Variants in PPP3CA observed in about 807,000 individuals in gnomAD.
The protein encoded by PPP3CA is protein phosphatase 3 catalytic subunit alpha.
A neutral mutation model predicts 66.5 loss-of-function variants in PPP3CA; 14 were observed. That is an observed-to-expected ratio of 0.21 (90% CI 0.14 to 0.33). The LOEUF is 0.33. PPP3CA is among the 10% of genes least tolerant of loss of function. The pLI is 1.00. For synonymous variants in PPP3CA, 232 were observed against 226.2 expected, an observed-to-expected ratio of 1.03 and a Z score of -0.23; for missense variants, 317 against 639.5, an observed-to-expected ratio of 0.50 and a Z score of 5.44.
chr4:101,341,202 CTTTTTCTTTTTTT>C (rs1729804069), intron 1 of PPP3CA, among the ~76,000 whole-genome samples: 1 of 48,420 alleles, frequency 2.1e-5, no homozygotes, highest in Admixed American at 3.4e-4. Flanking sequence ...TTCTTTTTTT[CTTTTTCTTTTTTT>C]TTTTTTTAAG....
rs1730041033 is a variant in PPP3CA, at chr4:101,347,195, G to GCA, written c.-401_-400dup. ...CACCGCGGAATGGAGCCCCACGCGC[G>GCA]CACACACGGCCAGGATTAAGACCGA... On this transcript the variant is annotated 5_prime_UTR_variant, in exon 1 of 14. Coordinates refer to ENST00000394854, the MANE Select transcript of PPP3CA (RefSeq NM_000944.5). The GCA allele has an allele frequency of 2.9e-6, 1 of 343,550 alleles. No individual in the cohort carries two copies. The highest frequency in any genetic ancestry group is 5.4e-6 in the Non-Finnish European group (1 of 183,632). The allele number at this position is 343,550 out of a possible 1,614,324, so 21.3% of individuals were successfully genotyped here.
At position 101,263,361 on chromosome 4, in the gene PPP3CA, G is replaced by A. The variant is rs542963830; in HGVS notation, c.59-67245C>T. ...AAATTAAATCAGAATTTCTAAGAGTGGGGTCTAGGCATCAGTGCCATTCTT... is the reference window on the plus strand; with the variant it reads ...AAATTAAATCAGAATTTCTAAGAGTAGGGTCTAGGCATCAGTGCCATTCTT... On this transcript the variant is annotated intron_variant, in intron 1 of 13. Coordinates refer to ENST00000394854, the MANE Select transcript of PPP3CA (RefSeq NM_000944.5). Among the ~76,000 whole-genome samples, 25 of 152,252 alleles carry A rather than the reference G, an allele frequency of 1.6e-4. No homozygotes were observed. The South Asian group carries it at 3.5e-3, about 21-fold the overall frequency.
intron 2 of PPP3CA, among the ~76,000 whole-genome samples, chr4:101,151,046 TAAG>T (rs1410830520): frequency 6.6e-6 from 1 of 152,238 alleles, no homozygotes; most frequent in East Asian, 1.9e-4. Flanking sequence ...ATTAAGTTCA[TAAG>T]AAGACTTTAG....
Position 101,230,777 on chromosome 4 carries a change from C to A in PPP3CA, c.59-34661G>T, listed in dbSNP as rs1324744175. Among the ~76,000 whole-genome samples, 8 of 151,656 alleles carry A rather than the reference C, an allele frequency of 5.3e-5. 1 individual carries two copies. The Admixed American group carries it at 5.3e-4, about 10-fold the overall frequency. ...CACGCAAAGATTTTCACAAACAGAA[C>A]CCAATCTGCTTTCTAGTCTCACCTT... On this transcript the variant is annotated intron_variant, in intron 1 of 13. Transcript: ENST00000394854.
intron 1 of PPP3CA, among the ~76,000 whole-genome samples, chr4:101,242,646 T>A (rs1337439020): frequency 2.0e-5 from 3 of 152,134 alleles, no homozygotes; most frequent in African/African-American, 7.2e-5. Flanking sequence ...CATTAAGAAA[T>A]CTGGGCCAGG....
At chr4:101,155,104 C>T (rs1259070521) in intron 2 of PPP3CA, among the ~76,000 whole-genome samples, 2 of 151,990 alleles carry the variant, frequency 1.3e-5, no homozygotes, top group African/African-American at 2.4e-5. Flanking sequence ...CGTGAGCCAA[C>T]GCGCCCAGCC....
intron 1 of PPP3CA, among the ~76,000 whole-genome samples, chr4:101,213,553 A>G (rs1486909804): frequency 6.6e-6 from 1 of 152,158 alleles, no homozygotes; most frequent in Non-Finnish European, 1.5e-5. Flanking sequence ...TCTTTTATGA[A>G]TATGAGGTTT....
At chr4:101,178,741 A>G (rs2135610) in intron 2 of PPP3CA, among the ~76,000 whole-genome samples, 29,730 of 152,018 alleles carry the variant, frequency 0.2, 4,178 homozygotes, top group African/African-American at 0.37. Context: ...ATAAGCATTT[A>G]CATTTGTCAT....
intron 2 of PPP3CA, among the ~76,000 whole-genome samples, chr4:101,136,498 G>A (rs945778822): frequency 2.0e-5 from 3 of 151,776 alleles, no homozygotes; most frequent in Non-Finnish European, 4.4e-5. Flanking sequence ...CCAAGATCGC[G>A]CCAGTGCACT....
intron 2 of PPP3CA, among the ~76,000 whole-genome samples, chr4:101,154,507 A>T (rs1377492547): frequency 2.6e-5 from 4 of 152,240 alleles, no homozygotes; most frequent in Admixed American, 2.6e-4. Context: ...CTATGGGGCA[A>T]TAAAAGTGTT....
At chr4:101,156,086 A>G (rs1723310069) in intron 2 of PPP3CA, among the ~76,000 whole-genome samples, 1 of 152,190 alleles carries the variant, frequency 6.6e-6, no homozygotes, top group Admixed American at 6.5e-5. Flanking sequence ...GATTCCTAGT[A>G]CCTGCTCTAT....
At chr4:101,033,415 T>G (rs1341709006) in intron 11 of PPP3CA, among the ~76,000 whole-genome samples, 1 of 151,952 alleles carries the variant, frequency 6.6e-6, no homozygotes, top group Non-Finnish European at 1.5e-5. Context: ...CCTGAACTTC[T>G]CCCCATAACC....
chr4:101,139,545 AT>A (rs1722731545), intron 2 of PPP3CA, among the ~76,000 whole-genome samples: 1 of 152,036 alleles, frequency 6.6e-6, no homozygotes, highest in Non-Finnish European at 1.5e-5. Flanking sequence ...GAGCTCACAA[AT>A]ACTTTATTCG....
chr4:101,183,973 A>G (rs993983353), intron 2 of PPP3CA, among the ~76,000 whole-genome samples: 7 of 152,188 alleles, frequency 4.6e-5, no homozygotes, highest in African/African-American at 1.7e-4. Context: ...TAAGTAGCAA[A>G]TAGTGCATAC....
At chr4:101,181,843 A>G (rs1257491077) in intron 2 of PPP3CA, among the ~76,000 whole-genome samples, 2 of 152,142 alleles carry the variant, frequency 1.3e-5, no homozygotes, top group Non-Finnish European at 2.9e-5. Context: ...AAACAGCACA[A>G]TTAGGGATGT....
At chr4:101,248,161 GA>G in intron 1 of PPP3CA, among the ~76,000 whole-genome samples, 3 of 152,244 alleles carry the variant, frequency 2.0e-5, no homozygotes, top group African/African-American at 7.2e-5. Flanking sequence ...TTTACTACAT[GA>G]CCAATACTTC....
At chr4:101,087,446 C>T (rs1439844871) in intron 6 of PPP3CA, among the ~76,000 whole-genome samples, 1 of 152,084 alleles carries the variant, frequency 6.6e-6, no homozygotes, top group Non-Finnish European at 1.5e-5. Context: ...ATTATCAAAC[C>T]CCAGAAACTC....
At chr4:101,072,579 C>T (rs1728962424) in intron 8 of PPP3CA, among the ~76,000 whole-genome samples, 1 of 152,114 alleles carries the variant, frequency 6.6e-6, no homozygotes, top group Non-Finnish European at 1.5e-5. Context: ...TACACATAAA[C>T]TCTGAGCAGT....
intron 10 of PPP3CA, among the ~76,000 whole-genome samples, chr4:101,057,317 A>C (rs577225665): frequency 1.8e-4 from 28 of 152,184 alleles, no homozygotes; most frequent in Middle Eastern, 3.2e-3. Flanking sequence ...TTGGCCTCCC[A>C]AAGTGCTGGG....
Sources: gnomAD v4.1 joint callset for allele counts (sites outside exome capture counted in the v4.1 genomes callset) on GRCh38, gnomAD v4.1.1 for gene constraint, MANE v1.5 for transcripts, NCBI Gene and HGNC (gene_info 2026-07-23, HGNC 2026-07-21) for gene names.